The following ROBO1 variants were observed in gnomAD, a reference collection of about 807,000 sequenced individuals.
The protein encoded by ROBO1 is roundabout homolog 1.
Under a neutral mutation model 195.9 loss-of-function variants are expected in ROBO1, and 149 were observed. The observed-to-expected ratio is 0.76, with a 90% CI of 0.67 to 0.87. ROBO1 has a LOEUF of 0.87. ROBO1 is among the 40% of genes least tolerant of loss of function. The pLI, the probability that ROBO1 is intolerant of heterozygous loss-of-function variation, is 0.00. For synonymous variants in ROBO1, 816 were observed against 733.2 expected (o/e 1.11, Z -1.82); for missense variants, 1,933 against 2,068.3 (o/e 0.93, Z 1.27).
chr3:79,639,944 T>A (rs1349583039), intron 1 of ROBO1, among the ~76,000 whole-genome samples: 2 of 152,338 alleles, frequency 1.3e-5, no homozygotes, highest in East Asian at 3.9e-4. Flanking sequence ...TCTGCATCAG[T>A]AGCTTGTAAG....
rs201400238 is a variant in ROBO1, at chr3:78,659,758, G to A, written c.2370C>T (p.Asn790=). 4.3e-5 allele frequency: 68 copies of A among 1,599,786 alleles called. No homozygotes were observed. Among genetic ancestry groups the A allele is most frequent in the Admixed American group, 6.8e-5 (4 of 58,438 alleles). The change falls in exon 17 of 31, where the codon AAC becomes AAT. Residue 790 remains asparagine (N), a synonymous_variant. Transcript: ENST00000464233. The part of the protein sequence containing the change: ...QGVTVSKNDG[N]GTAILVSWQP... The stretch of plus-strand genomic sequence containing the variant: ...GCCAACTAACTAGAATTGCAGTTCC[G>A]TTTCCATCATTCTTGGATACAGTTA...
In ROBO1 at chr3:79,663,307, A is replaced by C. The variant is rs192172001; in HGVS notation, c.-50-73346T>G. ...AATGCAATGGTATAATGGAAAAAAA[A>C]CTCAAAGTTATTTATTGGATTATAT... is the stretch of plus-strand genomic sequence containing the variant. On this transcript the variant is annotated intron_variant, in intron 1 of 30. Coordinates refer to ENST00000464233, the MANE Select transcript of ROBO1 (RefSeq NM_002941.4). Among the ~76,000 whole-genome samples the C allele has an allele frequency of 1.6e-3, 241 of 152,140 alleles. 2 individuals are homozygous for C. Among genetic ancestry groups the C allele is most frequent in the Non-Finnish European group, 1.5e-3 (104 of 67,982 alleles).
intron 1 of ROBO1, among the ~76,000 whole-genome samples, chr3:79,734,679 C>A (rs904691498): frequency 1.4e-4 from 21 of 152,118 alleles, no homozygotes; most frequent in Admixed American, 1.4e-3. Flanking sequence ...TTTCAAATTG[C>A]GGAGTGCGTA....
chr3:79,055,350 A>G (rs372256103), intron 3 of ROBO1, among the ~76,000 whole-genome samples: 4 of 152,070 alleles, frequency 2.6e-5, no homozygotes, highest in Non-Finnish European at 4.4e-5. Context: ...GATTAATATA[A>G]TTTCTAAACA....
chr3:78,792,455 C>T (rs1201479903), intron 4 of ROBO1, among the ~76,000 whole-genome samples: 2 of 152,142 alleles, frequency 1.3e-5, no homozygotes, highest in African/African-American at 4.8e-5. Context: ...CAAGCAATTT[C>T]ACAAGTAATT....
intron 2 of ROBO1, among the ~76,000 whole-genome samples, chr3:79,344,361 C>A (rs1446568569): frequency 6.6e-6 from 1 of 152,144 alleles, no homozygotes; most frequent in Admixed American, 6.5e-5. Context: ...GATATGCTAA[C>A]AGTCCTATCG....
chr3:78,648,096 T>C (rs554366954), intron 19 of ROBO1, among the ~76,000 whole-genome samples: 12 of 151,228 alleles, frequency 7.9e-5, no homozygotes, highest in Non-Finnish European at 1.8e-4. Context: ...GGTGCACTTA[T>C]GTACTTAACA....
In ROBO1 at chr3:79,586,844, G is replaced by A. The variant is rs375282670; in HGVS notation, c.88+2980C>T. ...TTCCTAGCAGAAATTAAGTCAAGACGTGGCATAGTCCAGATACAGCATGCC... is the reference window on the plus strand; with the variant it reads ...TTCCTAGCAGAAATTAAGTCAAGACATGGCATAGTCCAGATACAGCATGCC... On this transcript the variant is annotated intron_variant, in intron 2 of 30. Coordinates refer to ENST00000464233, the MANE Select transcript of ROBO1 (RefSeq NM_002941.4). Among the ~76,000 whole-genome samples the A allele has an allele frequency of 4.6e-5, 7 of 151,898 alleles. No homozygotes were observed. The South Asian group carries it at 1.2e-3, about 27-fold the overall frequency.
chr3:79,255,483 C>A (rs1033003749), intron 2 of ROBO1, among the ~76,000 whole-genome samples: 9 of 152,276 alleles, frequency 5.9e-5, no homozygotes, highest in Non-Finnish European at 1.3e-4. Flanking sequence ...GATTTTACTG[C>A]TGAGCTAAGG....
chr3:79,355,970 C>T (rs1316386459), intron 2 of ROBO1, among the ~76,000 whole-genome samples: 1 of 152,142 alleles, frequency 6.6e-6, no homozygotes, highest in Admixed American at 6.6e-5. Flanking sequence ...CTATTTATAA[C>T]TTTTTGAGAA....
At position 79,471,041 on chromosome 3, in the gene ROBO1, A is replaced by G. The variant is rs369080951; in HGVS notation, c.88+118783T>C. ...TTGATTTTCAACAAATGTGATAAGAACACACATTTGGGAAAGAGCAGTCTC... is the reference window on the plus strand; with the variant it reads ...TTGATTTTCAACAAATGTGATAAGAGCACACATTTGGGAAAGAGCAGTCTC... On this transcript the variant is annotated intron_variant, in intron 2 of 30. Transcript: ENST00000464233. 2.8e-4 allele frequency among the ~76,000 whole-genome samples: 43 copies of G among 152,266 alleles called. 1 individual carries two copies. The East Asian group carries it at 4.8e-3, about 17-fold the overall frequency.
intron 2 of ROBO1, among the ~76,000 whole-genome samples, chr3:79,509,363 T>A (rs1940577190): frequency 6.6e-6 from 1 of 152,178 alleles, no homozygotes; most frequent in Admixed American, 6.6e-5. Flanking sequence ...TATGCTCATT[T>A]TAAAATGTTT....
intron 3 of ROBO1, among the ~76,000 whole-genome samples, chr3:79,008,585 T>C (rs1254437155): frequency 6.6e-6 from 1 of 151,452 alleles, no homozygotes; most frequent in African/African-American, 2.4e-5. Flanking sequence ...ATATATATAT[T>C]TATGTATACG....
chr3:79,222,923 A>G (rs2082166035), intron 2 of ROBO1, among the ~76,000 whole-genome samples: 1 of 152,148 alleles, frequency 6.6e-6, no homozygotes, highest in Non-Finnish European at 1.5e-5. Context: ...GCTGTTACCC[A>G]GATTTTCTTT....
chr3:79,585,388 T>C (rs1943796511), intron 2 of ROBO1, among the ~76,000 whole-genome samples: 1 of 152,018 alleles, frequency 6.6e-6, no homozygotes, highest in Admixed American at 6.6e-5. Context: ...AACCCACTGA[T>C]CTGCTTATTA....
At chr3:79,574,951 A>G (rs189704800) in intron 2 of ROBO1, among the ~76,000 whole-genome samples, 202 of 151,064 alleles carry the variant, frequency 1.3e-3, no homozygotes, top group African/African-American at 4.7e-3. Context: ...CCTACCAGAC[A>G]GCAACAAACC....
chr3:78,992,603 G>A (rs1261894767), intron 3 of ROBO1, among the ~76,000 whole-genome samples: 1 of 152,178 alleles, frequency 6.6e-6, no homozygotes, highest in African/African-American at 2.4e-5. Context: ...TTAAAACAGT[G>A]TGAGTCAAGG....
At chr3:79,077,617 G>A (rs2079196858) in intron 3 of ROBO1, among the ~76,000 whole-genome samples, 1 of 151,824 alleles carries the variant, frequency 6.6e-6, no homozygotes, top group Non-Finnish European at 1.5e-5. Flanking sequence ...TGTCAGGCAA[G>A]AAATAATTCA....
rs761641698 is a variant in ROBO1 at position 78,688,750 on chromosome 3, T to C, written c.1068A>G (p.Lys356=). The change falls in exon 9 of 31, where the codon AAA becomes AAG. Residue 356 remains lysine (K), a synonymous_variant. Transcript: ENST00000464233. ...CCAAAGCAACAACCTGGTCACGGGGTTTCACAACAAAATGTGGAGGTTCTG... is the reference window on the plus strand; with the variant it reads ...CCAAAGCAACAACCTGGTCACGGGGCTTCACAACAAAATGTGGAGGTTCTG... ...TVQEPPHFVV[K]PRDQVVALGR... is the part of the protein sequence containing the mutation. The C allele has an allele frequency of 1.8e-5, 29 of 1,608,876 alleles. No individual in the cohort carries two copies. The highest frequency in any genetic ancestry group is 2.5e-5 in the Non-Finnish European group (29 of 1,177,570).
Sources: allele counts gnomAD v4.1 joint callset (sites outside exome capture counted in the v4.1 genomes callset), GRCh38; gene constraint gnomAD v4.1.1; transcripts MANE v1.5; gene names NCBI Gene and HGNC (gene_info 2026-07-23, HGNC 2026-07-21).